The following PGM5 variants were observed in gnomAD, a reference collection of about 807,000 sequenced individuals.
The protein encoded by PGM5 is phosphoglucomutase-like protein 5.
PGM5 carries 23 observed loss-of-function variants against 59.2 expected under a neutral mutation model. The observed-to-expected ratio is 0.39, with a 90% CI of 0.28 to 0.55. PGM5 has a LOEUF of 0.55. Among genes scored for constraint, PGM5 ranks in the 20% least tolerant of loss-of-function variants. PGM5 has a pLI of 0.66. For synonymous variants in PGM5, 214 were observed against 286.0 expected, an observed-to-expected ratio of 0.75 and a Z score of 2.54; for missense variants, 574 against 748.3, an observed-to-expected ratio of 0.77 and a Z score of 2.72.
At chr9:68,497,021 C>T (rs560063203) in intron 9 of PGM5, 1 of 152,338 alleles carries the variant, frequency 6.6e-6, no homozygotes, top group East Asian at 1.9e-4. Context: ...ACATAGGTAA[C>T]AGCTTCAAAA....
intron 6 of PGM5, chr9:68,397,418 T>A (rs1319036125): frequency 1.3e-5 from 2 of 152,218 alleles, no homozygotes; most frequent in Non-Finnish European, 2.9e-5. Context: ...ATGGCTAGCA[T>A]CCTTGAATAC....
chr9:68,405,074 C>G (rs1358560718), intron 6 of PGM5: 1 of 152,196 alleles, frequency 6.6e-6, no homozygotes, highest in Non-Finnish European at 1.5e-5. Context: ...ACCCCATGCT[C>G]TTACACCAGC....
At chr9:68,419,311 A>G (rs144491098) in intron 6 of PGM5, among the ~76,000 whole-genome samples, 38 of 152,280 alleles carry the variant, frequency 2.5e-4, no homozygotes, top group African/African-American at 8.9e-4. Flanking sequence ...CAATGAATAT[A>G]TGGGGTCTCC....
At position 68,485,595 on chromosome 9, in the gene PGM5, A is replaced by G. The variant is rs140525263; in HGVS notation, c.1479+1547A>G. Among the ~76,000 whole-genome samples, 514 of 152,280 alleles carry G rather than the reference A, an allele frequency of 3.4e-3. 3 individuals are homozygous for G. The highest frequency in any genetic ancestry group is 0.014 in the Middle Eastern group (4 of 294). On this transcript the variant is annotated intron_variant, in intron 9 of 10. Transcript: ENST00000396396. ...GAGTCCATTAAACCTCTTTTCCGCT[A>G]TAAATTACCCAGTCTTTGGTAATTC...
chr9:68,414,418 G>T (rs1314459680), intron 6 of PGM5, among the ~76,000 whole-genome samples: 1 of 152,150 alleles, frequency 6.6e-6, no homozygotes, highest in Non-Finnish European at 1.5e-5. Context: ...GACAATGAAA[G>T]GATATGCTAT....
At chr9:68,448,986 T>G (rs1462673354) in intron 6 of PGM5, among the ~76,000 whole-genome samples, 2 of 152,194 alleles carry the variant, frequency 1.3e-5, no homozygotes, top group Non-Finnish European at 2.9e-5. Flanking sequence ...GAAATGCATT[T>G]CTCACAGTTC....
chr9:68,422,461 TG>T (rs139859649), intron 6 of PGM5, among the ~76,000 whole-genome samples: 3,539 of 145,128 alleles, frequency 0.024, 123 homozygotes, highest in African/African-American at 0.093. Flanking sequence ...TGTTTTGTTT[TG>T]TTTTTTGTTT....
At chr9:68,358,348 A>G (rs529149993) in intron 1 of PGM5, among the ~76,000 whole-genome samples, 49 of 152,074 alleles carry the variant, frequency 3.2e-4, no homozygotes, top group East Asian at 5.8e-4. Context: ...CTGTCCTATA[A>G]CTAGAAGCAC....
intron 6 of PGM5, among the ~76,000 whole-genome samples, chr9:68,436,479 GAGA>G (rs1295408056): frequency 1.3e-5 from 2 of 152,200 alleles, no homozygotes; most frequent in African/African-American, 4.8e-5. Flanking sequence ...AGCAGCCAGA[GAGA>G]AGGAGTATCT....
intron 6 of PGM5, among the ~76,000 whole-genome samples, chr9:68,413,002 G>C (rs539703655): frequency 6.6e-6 from 1 of 152,302 alleles, no homozygotes; most frequent in East Asian, 1.9e-4. Flanking sequence ...CAACAAGATT[G>C]ATGTGGTAGG....
At chr9:68,433,438 T>G (rs1449324313) in intron 6 of PGM5, among the ~76,000 whole-genome samples, 5 of 152,234 alleles carry the variant, frequency 3.3e-5, no homozygotes, top group Non-Finnish European at 7.4e-5. Context: ...GAGCTAATTT[T>G]TTTTCTGATT....
intron 6 of PGM5, among the ~76,000 whole-genome samples, chr9:68,442,134 T>C (rs1259154171): frequency 6.6e-6 from 1 of 152,238 alleles, no homozygotes; most frequent in Non-Finnish European, 1.5e-5. Context: ...ATTTATAAAT[T>C]GATTTATAGA....
rs1186945266 is a variant in PGM5 at position 68,512,269 on chromosome 9, C to T, written c.1614+12908C>T. Among the ~76,000 whole-genome samples the T allele has an allele frequency of 5.3e-5, 8 of 152,350 alleles. No homozygotes were observed. The East Asian group carries it at 1.5e-3, about 29-fold the overall frequency. On this transcript the variant is annotated intron_variant, in intron 10 of 10. Transcript: ENST00000396396. ...TTTGACTAGCCAGGAGGCATGTGCT[C>T]TCTGGCTTCAAGGGATTAAACAGAA... is the stretch of plus-strand genomic sequence containing the variant.
At chr9:68,390,967 T>C (rs1305241537) in intron 4 of PGM5, among the ~76,000 whole-genome samples, 1 of 151,748 alleles carries the variant, frequency 6.6e-6, no homozygotes, top group African/African-American at 2.4e-5. Context: ...GTGCTTTGCA[T>C]CCCTTCAATA....
chr9:68,394,939 T>C (rs1554679842), intron 6 of PGM5, among the ~76,000 whole-genome samples: 1 of 152,160 alleles, frequency 6.6e-6, no homozygotes, highest in Non-Finnish European at 1.5e-5. Context: ...ATCTTCTTAT[T>C]AGTATCTTTT....
At chr9:68,491,596 T>C (rs7022220) in intron 9 of PGM5, among the ~76,000 whole-genome samples, 29,978 of 152,144 alleles carry the variant, frequency 0.2, 3,364 homozygotes, top group East Asian at 0.41. Flanking sequence ...TTGAAAACCA[T>C]AGGTTTAAAA....
chr9:68,415,815 C>CTATCTATCTATT (rs1563999509), intron 6 of PGM5, among the ~76,000 whole-genome samples: 1 of 60,288 alleles, frequency 1.7e-5, no homozygotes, highest in Non-Finnish European at 4.1e-5. Context: ...ATCTATCTAT[C>CTATCTATCTATT]TTATCTATCT....
intron 7 of PGM5, among the ~76,000 whole-genome samples, chr9:68,473,219 A>G (rs1353009): frequency 0.16 from 24,354 of 152,146 alleles, 3,898 homozygotes; most frequent in African/African-American, 0.4. Context: ...ACAAATCTTT[A>G]TCTTGAGTAG....
intron 1 of PGM5, among the ~76,000 whole-genome samples, chr9:68,376,126 A>G (rs1221461206): frequency 1.3e-5 from 2 of 152,182 alleles, no homozygotes; most frequent in African/African-American, 4.8e-5. Flanking sequence ...GGAATGTTTT[A>G]GTGACTTGAT....
Sources: gnomAD v4.1 joint callset for allele counts (sites outside exome capture counted in the v4.1 genomes callset) on GRCh38, gnomAD v4.1.1 for gene constraint, MANE v1.5 for transcripts, NCBI Gene and HGNC (gene_info 2026-07-23, HGNC 2026-07-21) for gene names.